The following NR2C1 variants were observed in gnomAD, a reference collection of about 807,000 sequenced individuals.
NR2C1 encodes nuclear receptor subfamily 2 group C member 1.
Under a neutral mutation model 74.8 loss-of-function variants are expected in NR2C1, and 33 were observed. That is an observed-to-expected ratio of 0.44 (90% confidence interval 0.33 to 0.59). The LOEUF (loss-of-function observed/expected upper bound fraction) is 0.59. NR2C1 is among the 20% of genes least tolerant of loss of function. The probability of loss-of-function intolerance (pLI) is 0.02; values close to 1 mark genes in which losing one functional copy is unlikely to be tolerated. For missense variants in NR2C1, 568 were observed against 715.6 expected (o/e 0.79, Z 2.35); for synonymous variants, 225 against 240.6 (o/e 0.94, Z 0.60).
intron 1 of NR2C1, 132 bp downstream of exon 1, chr12:95,073,248 A>T (rs1194004348): frequency 6.6e-6 from 1 of 152,186 alleles, no homozygotes; most frequent in Non-Finnish European, 1.5e-5. Flanking sequence ...CCCAAACTGA[A>T]CGGCTCCGCT....
Position 95,049,079 on chromosome 12 carries a change from C to A in NR2C1, c.1120G>T (p.Val374Leu). ...KEGPLLSDSHVAFRLTMPSPM... is the reference protein window; with the variant it reads ...KEGPLLSDSHLAFRLTMPSPM... Reference sequence around the variant, plus strand: ...ACATATAGAAATACCCTGAAAGCTACATGTGAATCGCTGAGAAGTGGCCCC... The same window carrying A: ...ACATATAGAAATACCCTGAAAGCTAAATGTGAATCGCTGAGAAGTGGCCCC... Residue 374 changes from valine (V) to leucine (L), a missense_variant, in exon 9 of 14, where the codon GTA becomes TTA. Val to Leu is a conservative substitution (Grantham distance 32). This residue lies in a region of NR2C1 where 239 missense variants were observed against 232.3 expected (regional missense o/e 1.03). Coordinates refer to ENST00000333003, the MANE Select transcript of NR2C1 (RefSeq NM_003297.4). 1 of 1,613,664 alleles carries A rather than the reference C, an allele frequency of 6.2e-7. No individual in the cohort carries two copies. Among genetic ancestry groups the A allele is most frequent in the Admixed American group, 1.7e-5 (1 of 60,000 alleles).
chr12:95,058,668 C>T (rs1182277740), intron 4 of NR2C1, among the ~76,000 whole-genome samples, 179 bp from the exon 5 acceptor site: 2 of 152,186 alleles, frequency 1.3e-5, no homozygotes, highest in Non-Finnish European at 2.9e-5. Context: ...GACGGGATCT[C>T]GCTCTGTGGC....
At chr12:95,070,974 T>A (rs1876511089) in intron 1 of NR2C1, among the ~76,000 whole-genome samples, 1 of 152,206 alleles carries the variant, frequency 6.6e-6, no homozygotes, top group South Asian at 2.1e-4. Flanking sequence ...CCAAGGCACG[T>A]GGATCACCTG....
intron 12 of NR2C1, chr12:95,026,833 G>A (rs1179245382): frequency 6.6e-6 from 1 of 152,168 alleles, no homozygotes; most frequent in Non-Finnish European, 1.5e-5. Context: ...ATCACTGAGA[G>A]CTTACCGTCA....
chr12:95,032,783 C>T (rs59886655), intron 10 of NR2C1, among the ~76,000 whole-genome samples: 7,832 of 152,202 alleles, frequency 0.051, 264 homozygotes, highest in Middle Eastern at 0.089. Flanking sequence ...GCCTGGGCAA[C>T]ATGGCGAAAC....
intron 5 of NR2C1, 98 bp downstream of exon 5, chr12:95,058,212 A>G: frequency 9.1e-7 from 1 of 1,104,780 alleles, no homozygotes; most frequent in Non-Finnish European, 1.3e-6. Flanking sequence ...ACTGTAAACT[A>G]AAAAGTATAC....
intron 9 of NR2C1, among the ~76,000 whole-genome samples, chr12:95,044,654 G>T (rs988737306): frequency 1.3e-5 from 2 of 152,118 alleles, no homozygotes; most frequent in Non-Finnish European, 2.9e-5. Flanking sequence ...GGGGGGCCGA[G>T]GTGGGCGGAT....
At chr12:95,037,120 G>A (rs962560541) in intron 10 of NR2C1, among the ~76,000 whole-genome samples, 12 of 152,150 alleles carry the variant, frequency 7.9e-5, no homozygotes, top group African/African-American at 2.2e-4. Flanking sequence ...TGTGGTAAAC[G>A]GTGGTGGCTT....
At chr12:95,029,269 T>C (rs1023159404) in intron 11 of NR2C1, among the ~76,000 whole-genome samples, 56 of 151,892 alleles carry the variant, frequency 3.7e-4, no homozygotes, top group African/African-American at 1.3e-3. Flanking sequence ...TTAGTAGAGA[T>C]GGGGTTTCAC....
chr12:95,030,890 A>C (rs757659844), intron 11 of NR2C1: 26 of 1,587,188 alleles, frequency 1.6e-5, no homozygotes, highest in Non-Finnish European at 2.0e-5. Flanking sequence ...AAGGAAAAAC[A>C]GAATAAAAAG....
chr12:95,029,711 C>A (rs938347352), intron 11 of NR2C1, among the ~76,000 whole-genome samples: 1 of 151,870 alleles, frequency 6.6e-6, no homozygotes, highest in African/African-American at 2.4e-5. Flanking sequence ...CGCTTGCCAC[C>A]ACGCCTGGCT....
intron 2 of NR2C1, 176 bp downstream of exon 2, chr12:95,067,155 A>G (rs1357624635): frequency 1.5e-6 from 1 of 648,704 alleles, no homozygotes; most frequent in Admixed American, 3.0e-5. Context: ...CTGTCACAGA[A>G]CTTACCACAT....
At chr12:95,022,449 G>T in intron 13 of NR2C1, 46 bp from the exon 14 acceptor site, 1 of 1,458,690 alleles carries the variant, frequency 6.9e-7, no homozygotes, top group South Asian at 1.3e-5. Context: ...TTGTAAACCA[G>T]AAAGAAATTT....
At chr12:95,036,439 G>A (rs1442711150) in intron 10 of NR2C1, among the ~76,000 whole-genome samples, 1 of 150,900 alleles carries the variant, frequency 6.6e-6, no homozygotes, top group Non-Finnish European at 1.5e-5. Flanking sequence ...TGTAAAATTA[G>A]TAAATATGTT....
intron 2 of NR2C1, 185 bp downstream of exon 2, chr12:95,067,146 T>C: frequency 1.6e-6 from 1 of 618,240 alleles, no homozygotes; most frequent in African/African-American, 1.9e-5. Flanking sequence ...TACAATGACC[T>C]GTCACAGAAC....
chr12:95,063,109 A>G (rs1875048006), intron 2 of NR2C1, among the ~76,000 whole-genome samples: 1 of 152,244 alleles, frequency 6.6e-6, no homozygotes, highest in Non-Finnish European at 1.5e-5. Flanking sequence ...CAGATAATAA[A>G]TAAGCAAATA....
intron 10 of NR2C1, among the ~76,000 whole-genome samples, chr12:95,037,728 T>C (rs1871028748): frequency 6.6e-6 from 1 of 152,044 alleles, no homozygotes; most frequent in Non-Finnish European, 1.5e-5. Context: ...ACCCTGTCTC[T>C]ACTAAAAATA....
chr12:95,031,655 G>A (rs1870124638), intron 10 of NR2C1, among the ~76,000 whole-genome samples, 167 bp from the exon 11 acceptor site: 2 of 152,190 alleles, frequency 1.3e-5, no homozygotes, highest in Admixed American at 6.5e-5. Flanking sequence ...AATGAGAAAT[G>A]AGGAATGCTT....
chr12:95,038,623 T>G (rs568070103), intron 10 of NR2C1, among the ~76,000 whole-genome samples: 9 of 152,192 alleles, frequency 5.9e-5, no homozygotes, highest in Non-Finnish European at 1.0e-4. Flanking sequence ...CTGGGCTTGG[T>G]GGTGCACACC....
Sources: allele counts gnomAD v4.1 joint callset (sites outside exome capture counted in the v4.1 genomes callset), GRCh38; gene constraint gnomAD v4.1.1; regional missense constraint gnomAD v4.1.1; transcripts MANE v1.5; gene names NCBI Gene and HGNC (gene_info 2026-07-23, HGNC 2026-07-21).